OLFM1: variants seen among roughly 807,000 people sequenced by gnomAD.
The protein encoded by OLFM1 is noelin.
OLFM1 carries 9 observed loss-of-function variants against 49.7 expected under a neutral mutation model. That is an observed-to-expected ratio of 0.18 (90% CI 0.11 to 0.32). The LOEUF is 0.32. Ranked by LOEUF, OLFM1 falls within the 10% of genes least tolerant of loss-of-function variation. The pLI, the probability that OLFM1 is intolerant of heterozygous loss-of-function variation, is 1.00. For missense variants in OLFM1, 369 were observed against 661.8 expected (o/e 0.56, Z 4.85); for synonymous variants, 240 against 271.8 (o/e 0.88, Z 1.15).
chr9:135,117,661 C>T lies in OLFM1; in HGVS notation c.784-1843C>T, dbSNP rs941510758. ...TTTCTTGCACACGTGTGTATGACCC[C>T]CACTATGGGCCAGGCCCCTGGCTAG... On this transcript the variant is annotated intron_variant, in intron 5 of 5. Transcript: ENST00000371793. The surrounding 1 kb of genome is among the most constrained non-coding windows in gnomAD (Gnocchi z 5.5). Among the ~76,000 whole-genome samples the T allele has an allele frequency of 1.3e-5, 2 of 152,212 alleles. No homozygotes were observed. Among genetic ancestry groups the T allele is most frequent in the South Asian group, 2.1e-4 (1 of 4,826 alleles).
chr9:135,084,502 CTCTCCTCT>C (rs1263850401), upstream of OLFM1, among the ~76,000 whole-genome samples: 4 of 57,378 alleles, frequency 7.0e-5, no homozygotes, highest in East Asian at 6.9e-4. The surrounding 1 kb of genome is among the most constrained non-coding windows in gnomAD (Gnocchi z 4.6). Context: ...CCTCTCTTCT[CTCTCCTCT>C]CTCTCTGTCT....
intron 2 of OLFM1, among the ~76,000 whole-genome samples, chr9:135,091,759 A>C (rs76872169): frequency 0.089 from 9,998 of 112,938 alleles, 479 homozygotes; most frequent in African/African-American, 0.14. Flanking sequence ...AGTCACACAC[A>C]CTCACACAGT....
intron 1 of OLFM1, chr9:135,077,136 G>A: frequency 1.9e-6 from 3 of 1,549,866 alleles, no homozygotes; most frequent in Non-Finnish European, 2.6e-6. Context: ...CTGGACAGAT[G>A]CATTCATTCA....
In OLFM1 at chr9:135,113,976, C is replaced by T. The variant is rs1484325075; in HGVS notation, c.784-5528C>T. Among the ~76,000 whole-genome samples the T allele has an allele frequency of 1.3e-5, 2 of 152,160 alleles. No individual in the cohort carries two copies. The highest frequency in any genetic ancestry group is 6.5e-5 in the Admixed American group (1 of 15,292). On this transcript the variant is annotated intron_variant, in intron 5 of 5. Coordinates refer to ENST00000371793, the MANE Select transcript of OLFM1 (RefSeq NM_001282611.2). The surrounding 1 kb of genome is among the most constrained non-coding windows in gnomAD (Gnocchi z 4.0). The stretch of plus-strand genomic sequence containing the variant: ...GCCTCGTCTCGTGGCTCCATGTGTT[C>T]CTGGCTGTGGCTGCATCACTCCAGT...
In OLFM1 at chr9:135,119,602, C is replaced by T. The variant is rs1427462476; in HGVS notation, c.882C>T (p.Leu294=). 1 of 1,614,010 alleles carries T rather than the reference C, an allele frequency of 6.2e-7. No homozygotes were observed. Among genetic ancestry groups the T allele is most frequent in the African/African-American group, 1.3e-5 (1 of 74,928 alleles). The change falls in exon 6 of 6, where the codon CTC becomes CTT. Residue 294 remains leucine, a synonymous_variant. Coordinates refer to ENST00000371793, the MANE Select transcript of OLFM1 (RefSeq NM_001282611.2). ...CGGACAATTTCACCTCCCACCGTCT[C>T]CCCCACCCCTGGTCGGGCACGGGGC... ...MNTDNFTSHR[L]PHPWSGTGQV...
chr9:135,077,152 A>G (rs1207547521), intron 1 of OLFM1: 12 of 1,293,798 alleles, frequency 9.3e-6, no homozygotes, highest in African/African-American at 3.1e-5. Flanking sequence ...ATTCATGTGC[A>G]CACACACACA....
intron 2 of OLFM1, among the ~76,000 whole-genome samples, chr9:135,093,109 G>T (rs1830738002): frequency 6.6e-6 from 1 of 152,182 alleles, no homozygotes; most frequent in Admixed American, 6.5e-5. Flanking sequence ...CACCTGGTGA[G>T]GCTGCAAGGT....
upstream of OLFM1, among the ~76,000 whole-genome samples, chr9:135,083,594 G>C (rs1204504096): frequency 6.6e-6 from 1 of 152,192 alleles, no homozygotes; most frequent in Non-Finnish European, 1.5e-5. Context: ...TGAGGGAAAG[G>C]GGGAAGGACG....
At chr9:135,091,769 TCA>T (rs749011628) in intron 2 of OLFM1, among the ~76,000 whole-genome samples, 27 of 33,208 alleles carry the variant, frequency 8.1e-4, no homozygotes, top group Admixed American at 1.5e-3. Flanking sequence ...ACTCACACAG[TCA>T]CACACACACT....
intron 4 of OLFM1, among the ~76,000 whole-genome samples, chr9:135,105,175 G>C (rs1203862680): frequency 6.6e-6 from 1 of 152,228 alleles, no homozygotes; most frequent in Non-Finnish European, 1.5e-5. Context: ...AATTCCTCCT[G>C]AAAGTAGGAA....
At chr9:135,119,056 G>A (rs533122859) in intron 5 of OLFM1, among the ~76,000 whole-genome samples, 1 of 151,264 alleles carries the variant, frequency 6.6e-6, no homozygotes, top group East Asian at 2.0e-4. Context: ...AGTGCTCACT[G>A]GATCTTTGGA....
At chr9:135,114,579 T>G in intron 5 of OLFM1, among the ~76,000 whole-genome samples, 2 of 141,884 alleles carry the variant, frequency 1.4e-5, no homozygotes, top group African/African-American at 2.7e-5. Flanking sequence ...CCCAAGGGGG[T>G]GAGTGTGGCC....
chr9:135,075,643 G>A, exon 1 of OLFM1: 26 of 1,205,782 alleles, frequency 2.2e-5, no homozygotes, highest in Non-Finnish European at 2.9e-5. Context: ...AGCGGAGCCG[G>A]GGCCAGAGCC....
chr9:135,075,781 G>C, exon 1 of OLFM1: 1 of 1,606,842 alleles, frequency 6.2e-7, no homozygotes. Context: ...TCCTCATCCT[G>C]ATGGGCACTG....
intron 1 of OLFM1, chr9:135,076,296 T>C: frequency 1.9e-6 from 3 of 1,550,428 alleles, no homozygotes; most frequent in Non-Finnish European, 2.6e-6. Context: ...ATTGTGCCGC[T>C]GAGACCTGGA....
Position 135,117,933 on chromosome 9 carries a change from C to A in OLFM1, c.784-1571C>A, listed in dbSNP as rs11103683. 0.087 allele frequency among the ~76,000 whole-genome samples: 13,192 copies of A among 152,286 alleles called. 631 individuals are homozygous for A. Among genetic ancestry groups the A allele is most frequent in the Middle Eastern group, 0.12 (34 of 294 alleles). Reference sequence around the variant, plus strand: ...ACTAGACCCTTTCTTCAAACTGGGCCATCCTTTCTCTGATAGCACAATAGC... The same window carrying A: ...ACTAGACCCTTTCTTCAAACTGGGCAATCCTTTCTCTGATAGCACAATAGC... On this transcript the variant is annotated intron_variant, in intron 5 of 5. Transcript: ENST00000371793. This position sits in a 1 kb window ranked among gnomAD's most constrained non-coding sequence, Gnocchi z 5.5.
At chr9:135,086,086 G>C (rs1275186618), upstream of OLFM1, among the ~76,000 whole-genome samples, 1 of 152,254 alleles carries the variant, frequency 6.6e-6, no homozygotes. Context: ...GAAGCGGCGT[G>C]AGTGATCTGG....
In OLFM1 at chr9:135,088,223, G is replaced by C. The variant is rs1299930556; in HGVS notation, c.150+84G>C. The C allele has an allele frequency of 1.7e-6, 2 of 1,180,160 alleles. No homozygotes were observed. The highest frequency in any genetic ancestry group is 2.1e-6 in the Non-Finnish European group (2 of 944,480). The allele number at this position is 1,180,160 out of a possible 1,614,324, so 73.1% of individuals were successfully genotyped here. On this transcript the variant is annotated intron_variant, in intron 1 of 5. Coordinates refer to ENST00000371793, the MANE Select transcript of OLFM1 (RefSeq NM_001282611.2). The surrounding 1 kb of genome is among the most constrained non-coding windows in gnomAD (Gnocchi z 4.8). ...CTCGGTCCGGAGCCCCGGGCTGGGC[G>C]GGCGCCGCGCGGGACCCGAGTCGCC...
At chr9:135,104,440 C>A (rs936127763) in intron 4 of OLFM1, among the ~76,000 whole-genome samples, 1 of 152,174 alleles carries the variant, frequency 6.6e-6, no homozygotes, top group Non-Finnish European at 1.5e-5. Context: ...GAGTCTGCTG[C>A]GGGTGTGGTT....
Sources: gnomAD v4.1 joint callset for allele counts (sites outside exome capture counted in the v4.1 genomes callset) on GRCh38, gnomAD v4.1.1 for gene constraint, Gnocchi (gnomAD v3.1) non-coding constraint, MANE v1.5 for transcripts, NCBI Gene and HGNC (gene_info 2026-07-23, HGNC 2026-07-21) for gene names.